Variants in TMEM200A observed in about 807,000 individuals in gnomAD.
TMEM200A encodes two transmembrane C.
In TMEM200A, 12 loss-of-function variants were observed where a neutral mutation model predicts 24.3. That is an observed-to-expected ratio of 0.49 (90% CI 0.32 to 0.80). The LOEUF (loss-of-function observed/expected upper bound fraction) is 0.80. Among genes scored for constraint, TMEM200A ranks in the 30% least tolerant of loss-of-function variants. TMEM200A has a pLI of 0.04. For missense variants in TMEM200A, 545 were observed against 614.4 expected (o/e 0.89, Z 1.19); for synonymous variants, 224 against 224.4 (o/e 1.00, Z 0.02).
intron 1 of TMEM200A, among the ~76,000 whole-genome samples, chr6:130,372,370 T>C (rs920237490): frequency 6.6e-6 from 1 of 152,192 alleles, no homozygotes; most frequent in African/African-American, 2.4e-5. Context: ...GTAGGTTTTT[T>C]CCCCTCAGTA....
At chr6:130,412,277 C>T (rs1016452873) in intron 2 of TMEM200A, among the ~76,000 whole-genome samples, 1 of 151,582 alleles carries the variant, frequency 6.6e-6, no homozygotes, top group Non-Finnish European at 1.5e-5. Flanking sequence ...TGGGTATTGC[C>T]GCCACTCACA....
chr6:130,428,396 C>T (rs1357585985), intron 2 of TMEM200A, among the ~76,000 whole-genome samples: 1 of 152,128 alleles, frequency 6.6e-6, no homozygotes, highest in Non-Finnish European at 1.5e-5. Flanking sequence ...TATACTTTAT[C>T]CTCCACCTTT....
At chr6:130,388,808 A>C (rs1778770452) in intron 2 of TMEM200A, among the ~76,000 whole-genome samples, 1 of 152,180 alleles carries the variant, frequency 6.6e-6, no homozygotes, top group African/African-American at 2.4e-5. Context: ...GTTTGTGGGA[A>C]TTGCATCAAC....
intron 2 of TMEM200A, among the ~76,000 whole-genome samples, chr6:130,389,444 G>A (rs900405480): frequency 1.3e-5 from 2 of 151,032 alleles, no homozygotes; most frequent in Non-Finnish European, 2.9e-5. Flanking sequence ...CAATGTGAGA[G>A]AAAGAAGAGG....
chr6:130,366,267 C>A lies in TMEM200A; in HGVS notation c.-338C>A. On this transcript the variant is annotated 5_prime_UTR_variant, in exon 1 of 3. Coordinates refer to ENST00000296978, the MANE Select transcript of TMEM200A (RefSeq NM_001258277.2). This position sits in a 1 kb window ranked among gnomAD's most constrained non-coding sequence, Gnocchi z 4.4. ...CCCCGGCGCGGGCATAGGGGCGCCC[C>A]CACCCTCCGTCCGCTTGCACCCCTT... 1.0e-6 allele frequency: 1 copy of A among 985,386 alleles called. No individual in the cohort carries two copies. The highest frequency in any genetic ancestry group is 1.2e-6 in the Non-Finnish European group (1 of 829,924). 61.0% of individuals were successfully genotyped at this position (985,386 alleles called of 1,614,324 possible). A position where few individuals can be genotyped will look rare whatever the true frequency, so the allele number is the denominator to read the frequency against.
chr6:130,428,335 T>C (rs1019799799), intron 2 of TMEM200A, among the ~76,000 whole-genome samples: 1 of 152,162 alleles, frequency 6.6e-6, no homozygotes, highest in East Asian at 1.9e-4. Flanking sequence ...TATTTAATAT[T>C]GTCATTAATC....
At chr6:130,396,413 G>A (rs1450606425) in intron 2 of TMEM200A, among the ~76,000 whole-genome samples, 2 of 149,024 alleles carry the variant, frequency 1.3e-5, no homozygotes, top group African/African-American at 4.9e-5. Flanking sequence ...GTGAGATAAA[G>A]GTTGTAAAGA....
Position 130,411,299 on chromosome 6 carries a change from GT to G in TMEM200A, c.-17+26071del, listed in dbSNP as rs200412944. 1.7e-3 allele frequency among the ~76,000 whole-genome samples: 251 copies of G among 152,044 alleles called. 1 individual carries two copies. The Middle Eastern group carries it at 0.024, about 14-fold the overall frequency. On this transcript the variant is annotated intron_variant, in intron 2 of 2. Coordinates refer to ENST00000296978, the MANE Select transcript of TMEM200A (RefSeq NM_001258277.2). ...ACAAATAAATGCCATTTTTAAAAGA[GT>G]TTTTTTTAAATTTTATAATTACAGA...
chr6:130,441,110 G>A lies in TMEM200A; in HGVS notation c.688G>A (p.Glu230Lys), dbSNP rs761074387. 6.2e-7 allele frequency: 1 copy of A among 1,614,020 alleles called. No homozygotes were observed. Among genetic ancestry groups the A allele is most frequent in the Non-Finnish European group, 8.5e-7 (1 of 1,179,994 alleles). The stretch of plus-strand genomic sequence containing the variant: ...AATGGACAGCTCCGTGGAGGAGGAT[G>A]AACTTATGTTAAATGAAGGTAAGAG... ...FRMDSSVEED[E>K]LMLNEGKSSG... Residue 230 changes from glutamate (E) to lysine (K), a missense_variant, in exon 3 of 3, where the codon GAA becomes AAA. Coordinates refer to ENST00000296978, the MANE Select transcript of TMEM200A (RefSeq NM_001258277.2).
intron 2 of TMEM200A, among the ~76,000 whole-genome samples, chr6:130,431,401 T>G (rs954407380): frequency 6.6e-6 from 1 of 152,180 alleles, no homozygotes; most frequent in Non-Finnish European, 1.5e-5. Flanking sequence ...TTGGCTAATT[T>G]CCCGTGTCTT....
intron 2 of TMEM200A, among the ~76,000 whole-genome samples, chr6:130,406,677 C>G (rs1513540): frequency 0.25 from 38,302 of 152,034 alleles, 6,035 homozygotes; most frequent in African/African-American, 0.44. Context: ...CTCAGTCTTA[C>G]AGCCTGGAAA....
At chr6:130,395,143 G>T (rs2115117655) in intron 2 of TMEM200A, among the ~76,000 whole-genome samples, 1 of 152,316 alleles carries the variant, frequency 6.6e-6, no homozygotes, top group South Asian at 2.1e-4. Flanking sequence ...CCTGCATATA[G>T]GATGGGAAAA....
Position 130,366,773 on chromosome 6 carries a change from G to GCCT in TMEM200A, c.-81+250_-81+252dup, listed in dbSNP as rs1778168985. Among the ~76,000 whole-genome samples, 1 of 152,196 alleles carries GCCT rather than the reference G, an allele frequency of 6.6e-6. No individual in the cohort carries two copies. The highest frequency in any genetic ancestry group is 2.4e-5 in the African/African-American group (1 of 41,456). On this transcript the variant is annotated intron_variant, in intron 1 of 2. Coordinates refer to ENST00000296978, the MANE Select transcript of TMEM200A (RefSeq NM_001258277.2). This position sits in a 1 kb window ranked among gnomAD's most constrained non-coding sequence, Gnocchi z 4.4. ...CTCCAAGAACCCGGAGTACTGGAGCGCCTGGCTGGGTTTCTCCAAGCAACA... is the reference window on the plus strand; with the variant it reads ...CTCCAAGAACCCGGAGTACTGGAGCGCCTCCTGGCTGGGTTTCTCCAAGCAACA...
chr6:130,370,142 G>C (rs1778285172), intron 1 of TMEM200A, among the ~76,000 whole-genome samples: 1 of 152,138 alleles, frequency 6.6e-6, no homozygotes, highest in Admixed American at 6.5e-5. Flanking sequence ...CTCTGGGTCA[G>C]CTGTATTCTG....
intron 2 of TMEM200A, among the ~76,000 whole-genome samples, chr6:130,393,746 T>C (rs1284537126): frequency 6.6e-6 from 1 of 152,240 alleles, no homozygotes; most frequent in Admixed American, 6.5e-5. Flanking sequence ...TTCTCAGCAC[T>C]GTAGAGATGA....
Position 130,419,750 on chromosome 6 carries a change from A to G in TMEM200A, c.-16-20657A>G, listed in dbSNP as rs150454605. 4.1e-4 allele frequency among the ~76,000 whole-genome samples: 63 copies of G among 152,334 alleles called. 1 individual carries two copies. Among genetic ancestry groups the G allele is most frequent in the African/African-American group, 1.4e-3 (60 of 41,594 alleles). On this transcript the variant is annotated intron_variant, in intron 2 of 2. Coordinates refer to ENST00000296978, the MANE Select transcript of TMEM200A (RefSeq NM_001258277.2). ...ACACCAGAGCATCAGGAATTAAACC[A>G]AAAACATTTACTCAGTGACACCACT...
At chr6:130,368,029 A>G (rs1778226458) in intron 1 of TMEM200A, among the ~76,000 whole-genome samples, 1 of 152,248 alleles carries the variant, frequency 6.6e-6, no homozygotes, top group African/African-American at 2.4e-5. Flanking sequence ...TAAATGCTGT[A>G]GTGTCTGAAG....
At chr6:130,440,362 G>A (rs937910440) in intron 2 of TMEM200A, 45 bp from the exon 3 acceptor site, 6 of 1,488,994 alleles carry the variant, frequency 4.0e-6, no homozygotes, top group African/African-American at 1.4e-5. Context: ...TCATACCCCA[G>A]GAACATATTT....
At chr6:130,400,167 G>T (rs1350888480) in intron 2 of TMEM200A, among the ~76,000 whole-genome samples, 2 of 151,858 alleles carry the variant, frequency 1.3e-5, no homozygotes, top group Admixed American at 6.6e-5. Context: ...CATTTGGGTT[G>T]GTTCCACGAT....
Sources: allele counts gnomAD v4.1 joint callset (sites outside exome capture counted in the v4.1 genomes callset), GRCh38; gene constraint gnomAD v4.1.1; non-coding constraint Gnocchi (gnomAD v3.1); transcripts MANE v1.5; gene names NCBI Gene and HGNC (gene_info 2026-07-23, HGNC 2026-07-21).